The following PAPLN variants were observed in gnomAD, a reference collection of about 807,000 sequenced individuals.
PAPLN encodes papilin.
Under a neutral mutation model 159.0 loss-of-function variants are expected in PAPLN, and 146 were observed. That is an observed-to-expected ratio of 0.92 (90% confidence interval 0.80 to 1.05). The LOEUF is 1.05. Ranked by LOEUF, PAPLN falls within the 50% of genes least tolerant of loss-of-function variation. PAPLN has a pLI of 0.00. For missense variants in PAPLN, 1,720 were observed against 1,743.9 expected (o/e 0.99, Z 0.24); for synonymous variants, 734 against 702.9 (o/e 1.04, Z -0.70).
Position 73,246,091 on chromosome 14 carries a change from C to A in PAPLN, c.250C>A (p.Arg84=). 6.4e-7 allele frequency: 1 copy of A among 1,571,124 alleles called. No homozygotes were observed. The highest frequency in any genetic ancestry group is 2.5e-5 in the East Asian group (1 of 40,622). The change falls in exon 5 of 27, where the codon CGG becomes AGG. Residue 84 remains arginine, a synonymous_variant. Transcript: ENST00000644200. ...CCCGCAGAGCTGCCCCGACGGCGCC[C>A]GGGACTTCCGGGCCGAGCAGTGCGC... is the stretch of plus-strand genomic sequence containing the variant. The part of the protein sequence containing the change: ...CRTESCPDGA[R]DFRAEQCAEF...
At chr14:73,254,836 T>C (rs1011668322) in intron 13 of PAPLN, 41 bp from the exon 14 acceptor site, 2 of 1,605,582 alleles carry the variant, frequency 1.2e-6, no homozygotes. Context: ...GCCCCCAGCC[T>C]CGCCCTCAGC....
chr14:73,255,685 C>G (rs926245947), intron 14 of PAPLN, among the ~76,000 whole-genome samples: 1 of 152,102 alleles, frequency 6.6e-6, no homozygotes, highest in Non-Finnish European at 1.5e-5. Context: ...GGTGGGTAGC[C>G]TCCCAATACT....
At chr14:73,260,599 G>T in intron 16 of PAPLN, 110 bp from the exon 17 acceptor site, 1 of 1,320,770 alleles carries the variant, frequency 7.6e-7, no homozygotes, top group Non-Finnish European at 9.7e-7. Flanking sequence ...CTCCCCCCCA[G>T]GTCCCCACCC....
chr14:73,250,113 G>T lies in PAPLN; in HGVS notation c.464G>T (p.Arg155Leu). The T allele has an allele frequency of 6.2e-7, 1 of 1,605,698 alleles. No homozygotes were observed. Among genetic ancestry groups the T allele is most frequent in the East Asian group, 2.2e-5 (1 of 44,666 alleles). Reference protein sequence around the residue: ...KRDVCVDGSCRVVGCDHELDS... With the variant: ...KRDVCVDGSCLVVGCDHELDS... ...GATGTCTGTGTGGATGGCAGCTGCC[G>T]GGTGAGTGGTGCCCCAGCCCCTCCC... The change falls in exon 6 of 27, where the codon CGG becomes CTG. Residue 155 changes from arginine to leucine, a missense_variant and splice_region_variant. Coordinates refer to ENST00000644200, the MANE Select transcript of PAPLN (RefSeq NM_001365906.3).
At chr14:73,256,257 G>A (rs1885893801) in intron 14 of PAPLN, among the ~76,000 whole-genome samples, 1 of 152,170 alleles carries the variant, frequency 6.6e-6, no homozygotes, top group Admixed American at 6.5e-5. Flanking sequence ...GGCCAGGTGA[G>A]GATTAATCCC....
chr14:73,245,446 C>T lies in PAPLN; in HGVS notation c.171-190C>T. 1.6e-6 allele frequency: 1 copy of T among 609,984 alleles called. No individual in the cohort carries two copies. Among genetic ancestry groups the T allele is most frequent in the Non-Finnish European group, 2.9e-6 (1 of 349,372 alleles). 37.8% of individuals were successfully genotyped at this position (609,984 alleles called of 1,614,324 possible). On this transcript the variant is annotated intron_variant, in intron 3 of 26. Coordinates refer to ENST00000644200, the MANE Select transcript of PAPLN (RefSeq NM_001365906.3). The surrounding 1 kb of genome is among the most constrained non-coding windows in gnomAD (Gnocchi z 4.2). ...AGGGTGGGTAGGGCTCTGAGTCCCG[C>T]TTCTCTGGAGTACCAACATGGGTCG...
rs759408559 is a variant in PAPLN, at chr14:73,272,694, A to G, written c.*30A>G. 3 of 1,516,452 alleles carry G rather than the reference A, an allele frequency of 2.0e-6. No individual in the cohort carries two copies. Among genetic ancestry groups the G allele is most frequent in the East Asian group, 2.3e-5 (1 of 42,840 alleles). The allele number at this position is 1,516,452 out of a possible 1,614,324, so 93.9% of individuals were successfully genotyped here. On this transcript the variant is annotated 3_prime_UTR_variant, in exon 27 of 27. Transcript: ENST00000644200. ...GAAGGCTAGTTCCAGCCCCAGTCCAAAATAGTTCATAGGGCTAGGGAGAAA... is the reference window on the plus strand; with the variant it reads ...GAAGGCTAGTTCCAGCCCCAGTCCAGAATAGTTCATAGGGCTAGGGAGAAA...
chr14:73,252,223 C>T, intron 10 of PAPLN, 82 bp downstream of exon 10: 1 of 1,468,626 alleles, frequency 6.8e-7, no homozygotes, highest in Non-Finnish European at 9.0e-7. Context: ...TCACAGCCCT[C>T]TCCTCAAGGC....
intron 18 of PAPLN, 125 bp downstream of exon 18, chr14:73,261,419 G>A: frequency 7.4e-7 from 1 of 1,352,138 alleles, no homozygotes; most frequent in Non-Finnish European, 9.9e-7. Context: ...TACCACAAAT[G>A]TTGATTGCCT....
At chr14:73,247,847 A>T (rs1884682500) in intron 5 of PAPLN, among the ~76,000 whole-genome samples, 1 of 64,766 alleles carries the variant, frequency 1.5e-5, no homozygotes, top group African/African-American at 6.4e-5. Flanking sequence ...TGTGGTGGCG[A>T]TCGTGGCTGT....
At chr14:73,252,281 T>C (rs750397564) in intron 10 of PAPLN, 140 bp downstream of exon 10, 5 of 1,332,742 alleles carry the variant, frequency 3.8e-6, no homozygotes, top group Non-Finnish European at 4.9e-6. Flanking sequence ...CTCTGTGTTA[T>C]GGGGGTCGCT....
In PAPLN at chr14:73,252,664, T is replaced by C. The variant is rs1258287792; in HGVS notation, c.983T>C (p.Leu328Pro). The change falls in exon 11 of 27, where the codon CTG becomes CCG. Residue 328 changes from leucine to proline, a missense_variant. Leu to Pro is a moderately conservative substitution (Grantham distance 98). Transcript: ENST00000644200. ...AECGGGHQSR[L>P]VFCTIDHEAY... ...CTCTGCGCAGGTCACCAGTCCCGCCTGGTGTTCTGCACCATCGACCATGAG... is the reference window on the plus strand; with the variant it reads ...CTCTGCGCAGGTCACCAGTCCCGCCCGGTGTTCTGCACCATCGACCATGAG... 1 of 1,613,106 alleles carries C rather than the reference T, an allele frequency of 6.2e-7. No homozygotes were observed. Among genetic ancestry groups the C allele is most frequent in the South Asian group, 1.1e-5 (1 of 91,074 alleles).
chr14:73,260,598 A>G (rs2140277851), intron 16 of PAPLN, 111 bp from the exon 17 acceptor site: 1 of 1,305,802 alleles, frequency 7.7e-7, no homozygotes, highest in Admixed American at 3.0e-5. Context: ...TCTCCCCCCC[A>G]GGTCCCCACC....
At chr14:73,252,879 G>A (rs1423616635) in intron 11 of PAPLN, 104 bp downstream of exon 11, 37 of 1,528,192 alleles carry the variant, frequency 2.4e-5, no homozygotes, top group Non-Finnish European at 3.1e-5. Flanking sequence ...AGAGGTGGGG[G>A]TCCAGGGCCC....
intron 5 of PAPLN, among the ~76,000 whole-genome samples, chr14:73,247,796 CCGTGTGTG>C (rs570138651): frequency 0.044 from 2,675 of 60,550 alleles, 519 homozygotes; most frequent in South Asian, 0.14. Flanking sequence ...GTCTCTTATC[CCGTGTGTG>C]TGTGTGTGTG....
intron 5 of PAPLN, among the ~76,000 whole-genome samples, chr14:73,248,106 T>TGCGCAC (rs1884792404): frequency 1.3e-5 from 1 of 78,482 alleles, no homozygotes; most frequent in Non-Finnish European, 2.3e-5. Context: ...TGTGTGTGTG[T>TGCGCAC]GCGCGTGTGT....
At chr14:73,247,851 T>G (rs1884684393) in intron 5 of PAPLN, among the ~76,000 whole-genome samples, 2 of 117,836 alleles carry the variant, frequency 1.7e-5, no homozygotes, top group Non-Finnish European at 1.7e-5. Flanking sequence ...GTGGCGATCG[T>G]GGCTGTGGGC....
rs753321373 is a variant in PAPLN, at chr14:73,264,341, T to C, written c.2986+6T>C. On this transcript the variant is annotated splice_donor_region_variant and intron_variant, in intron 21 of 26. Coordinates refer to ENST00000644200, the MANE Select transcript of PAPLN (RefSeq NM_001365906.3). ...GATCCAACTTCGCATCATAGGTCTC[T>C]GTCCCCACCCCATCCACCAGTGCGT... is the stretch of plus-strand genomic sequence containing the variant. The C allele has an allele frequency of 1.2e-6, 2 of 1,612,016 alleles. No individual in the cohort carries two copies. The highest frequency in any genetic ancestry group is 2.2e-5 in the South Asian group (2 of 90,788).
Position 73,272,688 on chromosome 14 carries a change from A to C in PAPLN, c.*24A>C. 1 of 1,521,134 alleles carries C rather than the reference A, an allele frequency of 6.6e-7. No homozygotes were observed. Among genetic ancestry groups the C allele is most frequent in the Non-Finnish European group, 8.9e-7 (1 of 1,120,578 alleles). The allele number at this position is 1,521,134 out of a possible 1,614,324, so 94.2% of individuals were successfully genotyped here. On this transcript the variant is annotated 3_prime_UTR_variant, in exon 27 of 27. Coordinates refer to ENST00000644200, the MANE Select transcript of PAPLN (RefSeq NM_001365906.3). The stretch of plus-strand genomic sequence containing the variant: ...AGGGATGAAGGCTAGTTCCAGCCCC[A>C]GTCCAAAATAGTTCATAGGGCTAGG...
Sources: gnomAD v4.1 joint callset for allele counts (sites outside exome capture counted in the v4.1 genomes callset) on GRCh38, gnomAD v4.1.1 for gene constraint, Gnocchi (gnomAD v3.1) non-coding constraint, MANE v1.5 for transcripts, NCBI Gene and HGNC (gene_info 2026-07-23, HGNC 2026-07-21) for gene names.